AGBL3: variants seen among roughly 807,000 people sequenced by gnomAD.
AGBL3 encodes the protein cytosolic carboxypeptidase 3.
Under a neutral mutation model 94.5 loss-of-function variants are expected in AGBL3, and 68 were observed. The observed-to-expected ratio is 0.72, with a 90% CI of 0.59 to 0.88. The LOEUF is 0.88. Ranked by LOEUF, AGBL3 falls within the 40% of genes least tolerant of loss-of-function variation. AGBL3 has a pLI of 0.00. For synonymous variants in AGBL3, 354 were observed against 370.7 expected, an observed-to-expected ratio of 0.95 and a Z score of 0.52; for missense variants, 934 against 1,103.8, an observed-to-expected ratio of 0.85 and a Z score of 2.18.
intron 11 of AGBL3, among the ~76,000 whole-genome samples, chr7:135,046,950 C>T (rs1817422827): frequency 1.3e-5 from 2 of 151,880 alleles, no homozygotes; most frequent in South Asian, 2.1e-4. Flanking sequence ...GGTAAGAACA[C>T]AGTATGAGAT....
chr7:135,089,862 G>T (rs1821628876), intron 15 of AGBL3, among the ~76,000 whole-genome samples: 1 of 152,130 alleles, frequency 6.6e-6, no homozygotes, highest in Non-Finnish European at 1.5e-5. Context: ...GTGGGACCAG[G>T]GTCTTAGACT....
At chr7:135,095,383 C>T (rs554561275) in intron 15 of AGBL3, among the ~76,000 whole-genome samples, 11 of 152,286 alleles carry the variant, frequency 7.2e-5, no homozygotes, top group Admixed American at 2.0e-4. Context: ...TCTGATAAGT[C>T]GTTCTTTGGA....
chr7:135,093,109 C>G (rs1822101689), intron 15 of AGBL3: 1 of 151,466 alleles, frequency 6.6e-6, no homozygotes, highest in African/African-American at 2.4e-5. Context: ...AAATGCTTTT[C>G]TCCCTGAGAC....
chr7:135,077,833 T>A (rs1390308378), intron 13 of AGBL3, among the ~76,000 whole-genome samples: 1 of 152,212 alleles, frequency 6.6e-6, no homozygotes, highest in Non-Finnish European at 1.5e-5. Flanking sequence ...AGGAAGCGGC[T>A]GATCACCAGT....
At chr7:134,998,015 A>G (rs1485415558) in intron 4 of AGBL3, among the ~76,000 whole-genome samples, 3 of 152,216 alleles carry the variant, frequency 2.0e-5, no homozygotes, top group Admixed American at 2.0e-4. Context: ...TTTCATTGAT[A>G]TTACATACCA....
intron 13 of AGBL3, among the ~76,000 whole-genome samples, chr7:135,078,986 A>C (rs1274322493): frequency 1.3e-5 from 2 of 152,192 alleles, no homozygotes; most frequent in African/African-American, 4.8e-5. Context: ...AAAATATTTC[A>C]GTTAACTTTG....
intron 16 of AGBL3, among the ~76,000 whole-genome samples, chr7:135,122,480 C>G (rs954994260): frequency 6.6e-6 from 1 of 152,196 alleles, no homozygotes; most frequent in Admixed American, 6.5e-5. Context: ...GGAATCTGGG[C>G]AGCCCAGACA....
At chr7:135,013,652 T>C (rs762566068) in intron 4 of AGBL3, among the ~76,000 whole-genome samples, 2 of 152,090 alleles carry the variant, frequency 1.3e-5, no homozygotes, top group African/African-American at 4.8e-5. Flanking sequence ...TTAAGTCAGT[T>C]AGTACAAGAC....
At chr7:135,058,790 C>T (rs1260958419) in intron 11 of AGBL3, among the ~76,000 whole-genome samples, 1 of 152,122 alleles carries the variant, frequency 6.6e-6, no homozygotes, top group Non-Finnish European at 1.5e-5. Context: ...GAGTTTCACT[C>T]TTGTTGCCCA....
chr7:135,019,003 A>G (rs982520608), intron 5 of AGBL3, among the ~76,000 whole-genome samples: 2 of 152,206 alleles, frequency 1.3e-5, no homozygotes, highest in Non-Finnish European at 2.9e-5. Flanking sequence ...GTCAGTCCGC[A>G]GCTCCAGCCC....
At chr7:135,067,259 C>G (rs533607729) in intron 12 of AGBL3, among the ~76,000 whole-genome samples, 3 of 152,220 alleles carry the variant, frequency 2.0e-5, no homozygotes, top group East Asian at 3.8e-4. Context: ...TGGGTTGAGC[C>G]CACCGCAGCT....
intron 4 of AGBL3, among the ~76,000 whole-genome samples, chr7:135,015,729 C>T (rs563808744): frequency 3.3e-5 from 5 of 151,914 alleles, no homozygotes; most frequent in African/African-American, 4.8e-5. Context: ...GATCAGCATA[C>T]ACAGGCCGGG....
At chr7:135,045,403 T>A (rs1459615374) in intron 9 of AGBL3, 71 bp from the exon 10 acceptor site, 5 of 1,251,650 alleles carry the variant, frequency 4.0e-6, no homozygotes, top group Non-Finnish European at 5.7e-6. Flanking sequence ...GTTTATAGTG[T>A]TTTGCAATGT....
At chr7:135,085,616 A>G (rs1385659581) in intron 15 of AGBL3, among the ~76,000 whole-genome samples, 1 of 152,154 alleles carries the variant, frequency 6.6e-6, no homozygotes, top group East Asian at 1.9e-4. Flanking sequence ...TCATTCCCCT[A>G]TGAATGTTCT....
At chr7:134,989,096 G>A (rs1767926535) in intron 2 of AGBL3, among the ~76,000 whole-genome samples, 154 bp from the exon 3 acceptor site, 3 of 152,178 alleles carry the variant, frequency 2.0e-5, no homozygotes, top group Admixed American at 2.0e-4. Flanking sequence ...TGGGTGCATT[G>A]AGACCAGTAG....
chr7:135,026,479 T>A (rs1188968142), intron 5 of AGBL3, among the ~76,000 whole-genome samples: 2 of 151,302 alleles, frequency 1.3e-5, no homozygotes, highest in African/African-American at 4.8e-5. Context: ...TTCACCATGT[T>A]GGCCAGGGTG....
chr7:135,008,788 C>G (rs543434118), intron 4 of AGBL3, among the ~76,000 whole-genome samples: 17 of 152,204 alleles, frequency 1.1e-4, no homozygotes, highest in African/African-American at 3.9e-4. Context: ...TCTTACAACT[C>G]AATATTAAAA....
At chr7:135,086,448 G>C (rs1024504553) in intron 15 of AGBL3, among the ~76,000 whole-genome samples, 2 of 151,940 alleles carry the variant, frequency 1.3e-5, no homozygotes, top group Non-Finnish European at 2.9e-5. Context: ...TATTGGGTGC[G>C]GGTTTGTCTT....
rs1040578666 is a variant in AGBL3 at position 135,095,735 on chromosome 7, C to A, written c.2110+13945C>A. On this transcript the variant is annotated intron_variant, in intron 15 of 16. Transcript: ENST00000436302. The stretch of plus-strand genomic sequence containing the variant: ...TCACTGTCACTTTTTTTCCCCTTGA[C>A]TGCTGATGTTGGCAACCATGATTTT... 4.6e-5 allele frequency among the ~76,000 whole-genome samples: 7 copies of A among 152,142 alleles called. 1 individual carries two copies. The highest frequency in any genetic ancestry group is 3.3e-4 in the Admixed American group (5 of 15,276).
Sources: allele counts gnomAD v4.1 joint callset (sites outside exome capture counted in the v4.1 genomes callset), GRCh38; gene constraint gnomAD v4.1.1; transcripts MANE v1.5; gene names NCBI Gene and HGNC (gene_info 2026-07-23, HGNC 2026-07-21).